NCOA1: variants seen among roughly 807,000 people sequenced by gnomAD.
NCOA1 encodes the protein nuclear receptor coactivator 1, also known as Hin-2 protein.
Under a neutral mutation model 150.9 loss-of-function variants are expected in NCOA1, and 35 were observed. The observed-to-expected ratio is 0.23, with a 90% CI of 0.18 to 0.31. The LOEUF is 0.31. NCOA1 is among the 10% of genes least tolerant of loss of function. The pLI is 1.00. For synonymous variants in NCOA1, 590 were observed against 630.0 expected, an observed-to-expected ratio of 0.94 and a Z score of 0.95; for missense variants, 1,491 against 1,749.3, an observed-to-expected ratio of 0.85 and a Z score of 2.63.
intron 1 of NCOA1, among the ~76,000 whole-genome samples, chr2:24,497,157 A>T (rs930768790): frequency 3.9e-5 from 6 of 152,182 alleles, no homozygotes; most frequent in African/African-American, 1.4e-4. Context: ...TATAGGTGTT[A>T]GGGATGACAT....
chr2:24,735,831 C>T (rs1476905108), intron 17 of NCOA1, among the ~76,000 whole-genome samples: 8 of 152,066 alleles, frequency 5.3e-5, no homozygotes. Flanking sequence ...AAGCAAAGAC[C>T]CAAGAAATAT....
Position 24,706,979 on chromosome 2 carries a change from G to A in NCOA1, c.1509G>A (p.Met503Ile), listed in dbSNP as rs1311030454. ...CTGGATTGGCAACAAGGCCCAGGAT[G>A]CCAAACAATTCCTTTCCTCCTAATA... The part of the protein sequence containing the change: ...VTSGLATRPR[M>I]PNNSFPPNIS... Residue 503 changes from methionine to isoleucine, a missense_variant, in exon 13 of 23, where the codon ATG becomes ATA. Met to Ile is a conservative substitution (Grantham distance 10). Transcript: ENST00000348332. 10 of 1,614,060 alleles carry A rather than the reference G, an allele frequency of 6.2e-6. No individual in the cohort carries two copies. Among genetic ancestry groups the A allele is most frequent in the East Asian group, 2.2e-5 (1 of 44,902 alleles).
At chr2:24,617,504 T>C (rs954692233) in intron 3 of NCOA1, among the ~76,000 whole-genome samples, 1 of 152,168 alleles carries the variant, frequency 6.6e-6, no homozygotes, top group African/African-American at 2.4e-5. Context: ...GGTCATCTCA[T>C]ACACTCCACT....
intron 10 of NCOA1, among the ~76,000 whole-genome samples, chr2:24,694,375 A>T (rs1194188679): frequency 6.6e-6 from 1 of 152,242 alleles, no homozygotes; most frequent in Non-Finnish European, 1.5e-5. Context: ...TATATTTTCT[A>T]GCAGACTAAG....
chr2:24,510,791 G>A (rs1006400433), intron 1 of NCOA1, among the ~76,000 whole-genome samples: 2 of 152,098 alleles, frequency 1.3e-5, no homozygotes, highest in Non-Finnish European at 2.9e-5. Flanking sequence ...TCTCTTTACT[G>A]TGGTGAAATA....
At chr2:24,633,145 T>TAC (rs906161156) in intron 3 of NCOA1, among the ~76,000 whole-genome samples, 3 of 151,976 alleles carry the variant, frequency 2.0e-5, no homozygotes, top group East Asian at 1.9e-4. Flanking sequence ...TACATATGCA[T>TAC]ACACACACAC....
chr2:24,751,906 C>A, intron 19 of NCOA1, 76 bp from the exon 20 acceptor site: 1 of 1,299,752 alleles, frequency 7.7e-7, no homozygotes, highest in Non-Finnish European at 1.1e-6. Context: ...TGTGACAGAT[C>A]CTTTTGGGTT....
chr2:24,740,069 C>G (rs564526771), intron 18 of NCOA1, among the ~76,000 whole-genome samples: 2 of 152,116 alleles, frequency 1.3e-5, no homozygotes, highest in South Asian at 4.1e-4. Context: ...CTACTTTACC[C>G]CATACATACC....
At chr2:24,531,550 G>A (rs1199364687) in intron 1 of NCOA1, among the ~76,000 whole-genome samples, 1 of 152,060 alleles carries the variant, frequency 6.6e-6, no homozygotes. Context: ...TTGGTTTGCT[G>A]CACCTATCAA....
chr2:24,766,331 G>A (rs1665062870), intron 22 of NCOA1, among the ~76,000 whole-genome samples: 3 of 152,164 alleles, frequency 2.0e-5, no homozygotes, highest in Admixed American at 2.0e-4. Flanking sequence ...TATTTCATAT[G>A]TAGAAACATA....
intron 1 of NCOA1, among the ~76,000 whole-genome samples, chr2:24,519,683 A>G (rs1023729095): frequency 4.0e-5 from 6 of 149,474 alleles, no homozygotes; most frequent in Non-Finnish European, 4.4e-5. Context: ...TAGCTGGGTT[A>G]GGTGGTGCAT....
chr2:24,517,711 C>T (rs559606674), intron 1 of NCOA1, among the ~76,000 whole-genome samples: 2 of 152,274 alleles, frequency 1.3e-5, no homozygotes, highest in South Asian at 2.1e-4. Flanking sequence ...TATCATTGAA[C>T]GTAGTTGTTG....
chr2:24,615,093 A>G (rs1434133435), intron 3 of NCOA1, among the ~76,000 whole-genome samples: 1 of 152,206 alleles, frequency 6.6e-6, no homozygotes, highest in Non-Finnish European at 1.5e-5. Flanking sequence ...ATCTTAACCT[A>G]CCATCTTTAC....
In NCOA1 at chr2:24,728,325, A is replaced by G; in HGVS notation, c.2735A>G (p.Gln912Arg). The G allele has an allele frequency of 6.2e-7, 1 of 1,611,978 alleles. No individual in the cohort carries two copies. The highest frequency in any genetic ancestry group is 1.3e-5 in the African/African-American group (1 of 74,956). Residue 912 changes from glutamine to arginine, a missense_variant, in exon 16 of 23, where the codon CAA (glutamine) becomes CGA (arginine). By Grantham distance (43) the Gln-to-Arg change is conservative. Coordinates refer to ENST00000348332, the MANE Select transcript of NCOA1 (RefSeq NM_003743.5). ...TCCTGCAGCCAGTGTATTAGCTCAC[A>G]ATTAGATGAGCTTCTCTGTCCACCC... ...SKSEDQCISS[Q>R]LDELLCPPTT...
At chr2:24,682,919 C>T (rs926830320) in intron 7 of NCOA1, 32 bp from the exon 8 acceptor site, 7 of 1,542,344 alleles carry the variant, frequency 4.5e-6, no homozygotes, top group African/African-American at 1.4e-5. Flanking sequence ...ATCTTTCAAC[C>T]TCCAAACCAT....
chr2:24,689,178 G>A (rs2148554743), intron 8 of NCOA1, among the ~76,000 whole-genome samples: 2 of 152,212 alleles, frequency 1.3e-5, no homozygotes, highest in East Asian at 3.9e-4. Context: ...TGTTCTTTTT[G>A]CTTAGGATCG....
chr2:24,503,631 C>A (rs1234463700), intron 1 of NCOA1, among the ~76,000 whole-genome samples: 1 of 151,752 alleles, frequency 6.6e-6, no homozygotes, highest in East Asian at 1.9e-4. Flanking sequence ...AAATATGTCA[C>A]ATGAGAGTGT....
intron 8 of NCOA1, among the ~76,000 whole-genome samples, chr2:24,686,223 G>A (rs1028889286): frequency 1.3e-5 from 2 of 151,950 alleles, no homozygotes; most frequent in Non-Finnish European, 2.9e-5. Flanking sequence ...GGCTGGTCTC[G>A]ATCTCCTGAT....
At chr2:24,509,485 A>G (rs1390149884) in intron 1 of NCOA1, among the ~76,000 whole-genome samples, 1 of 152,226 alleles carries the variant, frequency 6.6e-6, no homozygotes, top group African/African-American at 2.4e-5. Context: ...ATTCATGAGG[A>G]AAGGTGGATG....
Sources: gnomAD v4.1 joint callset for allele counts (sites outside exome capture counted in the v4.1 genomes callset) on GRCh38, gnomAD v4.1.1 for gene constraint, MANE v1.5 for transcripts, NCBI Gene and HGNC (gene_info 2026-07-23, HGNC 2026-07-21) for gene names.